The following SGCZ variants were observed in gnomAD, a reference collection of about 807,000 sequenced individuals.
SGCZ encodes the protein sarcoglycan zeta.
SGCZ carries 40 observed loss-of-function variants against 41.3 expected under a neutral mutation model. The ratio of observed to expected loss-of-function variants is 0.97; its 90% CI spans 0.75 to 1.26. The LOEUF (loss-of-function observed/expected upper bound fraction) is 1.26, where lower values mean the gene tolerates loss of function less well. Among genes scored for constraint, SGCZ ranks in the 50% most tolerant of loss-of-function variants. The pLI, the probability that SGCZ is intolerant of heterozygous loss-of-function variation, is 0.00. For synonymous variants in SGCZ, 206 were observed against 137.5 expected, an observed-to-expected ratio of 1.50 and a Z score of -3.49; for missense variants, 552 against 369.8, an observed-to-expected ratio of 1.49 and a Z score of -4.04.
At chr8:14,919,637 G>C (rs1342214428) in intron 1 of SGCZ, among the ~76,000 whole-genome samples, 1 of 152,082 alleles carries the variant, frequency 6.6e-6, no homozygotes, top group African/African-American at 2.4e-5. Flanking sequence ...TAAAAATCAA[G>C]CTGGGTGCGA....
chr8:14,265,145 G>A (rs1799827734), intron 3 of SGCZ, among the ~76,000 whole-genome samples: 1 of 152,126 alleles, frequency 6.6e-6, no homozygotes, highest in African/African-American at 2.4e-5. Flanking sequence ...CTAAAGTGAT[G>A]GAGATGTGTG....
intron 1 of SGCZ, among the ~76,000 whole-genome samples, chr8:14,558,568 G>A (rs1259207524): frequency 7.7e-5 from 10 of 130,640 alleles, no homozygotes; most frequent in Non-Finnish European, 1.3e-4. Flanking sequence ...GAATGAGAAT[G>A]ACTCTTAGAG....
intron 1 of SGCZ, among the ~76,000 whole-genome samples, chr8:15,097,928 A>G (rs1254553952): frequency 1.4e-5 from 2 of 142,772 alleles, no homozygotes; most frequent in African/African-American, 2.6e-5. Flanking sequence ...ATATATATAT[A>G]TATACATACA....
At chr8:15,145,405 T>C (rs1799010510) in intron 1 of SGCZ, among the ~76,000 whole-genome samples, 1 of 152,230 alleles carries the variant, frequency 6.6e-6, no homozygotes, top group Admixed American at 6.5e-5. Context: ...TGTAAGCTAC[T>C]GACTGCTTTG....
intron 4 of SGCZ, among the ~76,000 whole-genome samples, chr8:14,212,937 C>G (rs948299158): frequency 6.6e-6 from 1 of 151,962 alleles, no homozygotes; most frequent in African/African-American, 2.4e-5. Flanking sequence ...CAAAATGATT[C>G]TGGATGGGAT....
chr8:14,422,710 A>G (rs1373823382), intron 2 of SGCZ, among the ~76,000 whole-genome samples: 4 of 152,206 alleles, frequency 2.6e-5, no homozygotes, highest in African/African-American at 9.6e-5. Context: ...TTTTAGGACA[A>G]GTCTAGAATA....
intron 2 of SGCZ, among the ~76,000 whole-genome samples, chr8:14,422,131 C>A (rs17301991): frequency 6.6e-6 from 1 of 151,790 alleles, no homozygotes; most frequent in Non-Finnish European, 1.5e-5. Context: ...ATTTTAGAAA[C>A]GAGAAAACAC....
intron 1 of SGCZ, among the ~76,000 whole-genome samples, chr8:15,153,669 C>A (rs1351472209): frequency 1.3e-5 from 2 of 152,038 alleles, no homozygotes; most frequent in Non-Finnish European, 2.9e-5. Context: ...TCCCCCCACC[C>A]TCTCTCTCTT....
intron 4 of SGCZ, among the ~76,000 whole-genome samples, chr8:14,200,966 A>C (rs1805436565): frequency 6.6e-6 from 1 of 152,166 alleles, no homozygotes; most frequent in Non-Finnish European, 1.5e-5. Context: ...CCACAAATAA[A>C]ATCCATAAAA....
intron 1 of SGCZ, among the ~76,000 whole-genome samples, chr8:15,135,042 T>TA (rs1365926395): frequency 6.6e-6 from 1 of 152,216 alleles, no homozygotes; most frequent in Non-Finnish European, 1.5e-5. Context: ...TGAGTTCATT[T>TA]AGGCATCTTC....
chr8:14,375,400 TA>T (rs773275544), intron 2 of SGCZ, among the ~76,000 whole-genome samples: 10 of 152,122 alleles, frequency 6.6e-5, no homozygotes, highest in Non-Finnish European at 1.5e-4. Flanking sequence ...AAAGAAGGCC[TA>T]AATCCCATGA....
intron 1 of SGCZ, among the ~76,000 whole-genome samples, chr8:14,641,206 T>C (rs1394717706): frequency 6.6e-6 from 1 of 151,644 alleles, no homozygotes; most frequent in Non-Finnish European, 1.5e-5. Flanking sequence ...TCACTACGTT[T>C]TCGCTCCAGG....
chr8:15,192,731 C>A (rs894398655), intron 1 of SGCZ, among the ~76,000 whole-genome samples: 2 of 152,032 alleles, frequency 1.3e-5, no homozygotes, highest in African/African-American at 4.8e-5. Context: ...TTACCATTTC[C>A]ACTGAAGTCT....
At chr8:14,408,948 A>AGT (rs775874986) in intron 2 of SGCZ, among the ~76,000 whole-genome samples, 7 of 112,128 alleles carry the variant, frequency 6.2e-5, no homozygotes, top group South Asian at 2.6e-4. Flanking sequence ...TTTTAAATTA[A>AGT]GAGAGTGTGT....
intron 2 of SGCZ, among the ~76,000 whole-genome samples, chr8:14,358,464 A>G (rs955992774): frequency 1.3e-5 from 2 of 152,204 alleles, no homozygotes; most frequent in African/African-American, 2.4e-5. Context: ...AACGCAATGT[A>G]TGGCTAAACT....
chr8:14,398,811 A>C (rs1359419049), intron 2 of SGCZ, among the ~76,000 whole-genome samples: 1 of 152,112 alleles, frequency 6.6e-6, no homozygotes, highest in East Asian at 1.9e-4. Flanking sequence ...GTTAGACTAG[A>C]GCTCACATAG....
At chr8:14,770,808 G>T (rs931367098) in intron 1 of SGCZ, among the ~76,000 whole-genome samples, 1 of 151,990 alleles carries the variant, frequency 6.6e-6, no homozygotes, top group African/African-American at 2.4e-5. Context: ...TGCAAAAAGT[G>T]CTCTCTTAAA....
intron 1 of SGCZ, among the ~76,000 whole-genome samples, chr8:14,617,771 T>C (rs1167527558): frequency 6.6e-6 from 1 of 152,142 alleles, no homozygotes; most frequent in Admixed American, 6.5e-5. Context: ...GGGAATATTA[T>C]AAATCCCTCT....
intron 1 of SGCZ, 94 bp from the exon 2 acceptor site, chr8:14,555,020 G>C: frequency 1.3e-5 from 15 of 1,158,772 alleles, no homozygotes; most frequent in Non-Finnish European, 1.8e-5. Context: ...AAAGAACAAT[G>C]TACGTTAAAA....
Sources: gnomAD v4.1 joint callset for allele counts (sites outside exome capture counted in the v4.1 genomes callset) on GRCh38, gnomAD v4.1.1 for gene constraint, MANE v1.5 for transcripts, NCBI Gene and HGNC (gene_info 2026-07-23, HGNC 2026-07-21) for gene names.